SLC14A2: variants seen among roughly 807,000 people sequenced by gnomAD.
The protein encoded by SLC14A2 is solute carrier family 14 member 2, also known as urea transporter 2.
A neutral mutation model predicts 104.6 loss-of-function variants in SLC14A2; 91 were observed. That is an observed-to-expected ratio of 0.87 (90% CI 0.73 to 1.04). The LOEUF (loss-of-function observed/expected upper bound fraction) is 1.04. Ranked by LOEUF, SLC14A2 falls within the 50% of genes least tolerant of loss-of-function variation. SLC14A2 has a pLI of 0.00. For missense variants in SLC14A2, 1,189 were observed against 1,156.0 expected, an observed-to-expected ratio of 1.03 and a Z score of -0.41; for synonymous variants, 476 against 466.4, an observed-to-expected ratio of 1.02 and a Z score of -0.27.
chr18:45,251,512 AAC>A (rs1491129702), intron 1 of SLC14A2, among the ~76,000 whole-genome samples: 1 of 152,222 alleles, frequency 6.6e-6, no homozygotes, highest in Non-Finnish European at 1.5e-5. Flanking sequence ...ATAACAAAAA[AAC>A]ACATACTGAA....
chr18:45,521,895 T>G (rs77007515), intron 2 of SLC14A2, among the ~76,000 whole-genome samples: 3,719 of 152,076 alleles, frequency 0.024, 151 homozygotes, highest in African/African-American at 0.084. Context: ...ATCCAGAAAG[T>G]AAGAGGTATT....
chr18:45,615,836 T>TGAGA (rs779783446), intron 1 of SLC14A2, among the ~76,000 whole-genome samples: 18 of 148,580 alleles, frequency 1.2e-4, no homozygotes, highest in African/African-American at 4.0e-4. Context: ...TGTGTGTGTG[T>TGAGA]GAGAGAGAGA....
chr18:45,477,820 G>A (rs539502667), intron 1 of SLC14A2, among the ~76,000 whole-genome samples: 39 of 152,278 alleles, frequency 2.6e-4, no homozygotes, highest in African/African-American at 7.5e-4. Flanking sequence ...CAGTAATGGC[G>A]GATGCCCTTA....
the SLC14A2 span, among the ~76,000 whole-genome samples, chr18:45,178,812 C>T: frequency 5.3e-5 from 8 of 152,104 alleles, no homozygotes; most frequent in Admixed American, 4.6e-4. Flanking sequence ...ATGAGAAATC[C>T]TTGATGCATA....
At chr18:45,482,002 G>A (rs1256792057) in intron 1 of SLC14A2, among the ~76,000 whole-genome samples, 1 of 152,062 alleles carries the variant, frequency 6.6e-6, no homozygotes, top group East Asian at 1.9e-4. Flanking sequence ...TTTTCATGGA[G>A]ACAACTCAAG....
intron 10 of SLC14A2, among the ~76,000 whole-genome samples, chr18:45,651,950 C>T (rs765043678): frequency 5.3e-5 from 8 of 152,226 alleles, no homozygotes; most frequent in Non-Finnish European, 1.0e-4. Context: ...TCCCATCACT[C>T]TCCTCTCTGA....
chr18:45,339,538 G>A (rs889230191), intron 1 of SLC14A2, among the ~76,000 whole-genome samples: 4 of 151,984 alleles, frequency 2.6e-5, no homozygotes, highest in Admixed American at 2.6e-4. Context: ...CACCTCTAGG[G>A]TATAGATTAA....
intron 1 of SLC14A2, among the ~76,000 whole-genome samples, chr18:45,398,933 A>G (rs1449844737): frequency 6.6e-6 from 1 of 152,136 alleles, no homozygotes; most frequent in African/African-American, 2.4e-5. Flanking sequence ...CAACGTACAC[A>G]TACTTTATGT....
chr18:45,532,523 C>T (rs2043711348), intron 2 of SLC14A2, among the ~76,000 whole-genome samples: 1 of 144,380 alleles, frequency 6.9e-6, no homozygotes, highest in African/African-American at 2.8e-5. Context: ...TATAAGAATG[C>T]TTGTGATTTT....
At chr18:45,331,376 T>C (rs2085288296) in intron 1 of SLC14A2, among the ~76,000 whole-genome samples, 1 of 152,234 alleles carries the variant, frequency 6.6e-6, no homozygotes, top group African/African-American at 2.4e-5. Flanking sequence ...CTCTCTTTTT[T>C]AGTTTTTACA....
intron 1 of SLC14A2, among the ~76,000 whole-genome samples, chr18:45,370,579 T>C (rs775217351): frequency 1.2e-4 from 18 of 152,324 alleles, no homozygotes; most frequent in African/African-American, 2.2e-4. Flanking sequence ...GATACGGACA[T>C]GACAGGGTAA....
At chr18:45,215,921 TTTC>T (rs2084006758) in intron 1 of SLC14A2, among the ~76,000 whole-genome samples, 1 of 152,198 alleles carries the variant, frequency 6.6e-6, no homozygotes, top group Non-Finnish European at 1.5e-5. Flanking sequence ...AAATCCATGT[TTTC>T]TTCTTTTTGT....
chr18:45,643,209 C>A (rs763370616), intron 9 of SLC14A2, 28 bp downstream of exon 9: 1 of 1,603,596 alleles, frequency 6.2e-7, no homozygotes, highest in East Asian at 2.2e-5. Context: ...TGAACACTAC[C>A]CCAAAGTGCT....
intron 1 of SLC14A2, among the ~76,000 whole-genome samples, chr18:45,283,471 T>C (rs571312345): frequency 4.7e-5 from 7 of 148,334 alleles, no homozygotes; most frequent in Non-Finnish European, 8.9e-5. Flanking sequence ...AGTCTCCTAA[T>C]TGATAAAAGT....
intron 2 of SLC14A2, among the ~76,000 whole-genome samples, chr18:45,519,674 G>A (rs1006033185): frequency 2.0e-5 from 3 of 152,294 alleles, no homozygotes; most frequent in African/African-American, 7.2e-5. Context: ...CCCAACTTGT[G>A]CACTTGGCAA....
rs151295112 is a variant in SLC14A2 at position 45,260,720 on chromosome 18, C to T, written c.-125+47529C>T. On this transcript the variant is annotated intron_variant, in intron 1 of 20. Transcript: ENST00000586448. The stretch of plus-strand genomic sequence containing the variant: ...TTAACAATGCAGAAACAGCCAAATG[C>T]CATGTATTTTTACTGGCATTTGTTG... Among the ~76,000 whole-genome samples the T allele has an allele frequency of 1.3e-3, 205 of 152,162 alleles. No individual in the cohort carries two copies. In the Middle Eastern group the frequency reaches 0.017, roughly 13 times the overall value.
the SLC14A2 span, among the ~76,000 whole-genome samples, chr18:45,179,313 C>T: frequency 1.8e-4 from 27 of 152,152 alleles, no homozygotes; most frequent in Non-Finnish European, 8.8e-5. Flanking sequence ...CTTCTGTCAT[C>T]GCACTGGCTT....
intron 1 of SLC14A2, among the ~76,000 whole-genome samples, chr18:45,266,462 A>G (rs1285576064): frequency 2.6e-5 from 4 of 152,096 alleles, no homozygotes; most frequent in Non-Finnish European, 4.4e-5. Flanking sequence ...TTTCATTTAC[A>G]TTCTCCAAAC....
intron 2 of SLC14A2, among the ~76,000 whole-genome samples, chr18:45,503,026 G>A (rs1312696139): frequency 6.6e-6 from 1 of 151,814 alleles, no homozygotes; most frequent in Non-Finnish European, 1.5e-5. Flanking sequence ...AAGTTCCATG[G>A]GCAGCTCTTT....
Sources: gnomAD v4.1 joint callset for allele counts (sites outside exome capture counted in the v4.1 genomes callset) on GRCh38, gnomAD v4.1.1 for gene constraint, MANE v1.5 for transcripts, NCBI Gene and HGNC (gene_info 2026-07-23, HGNC 2026-07-21) for gene names.